The following GBE1 variants were observed in gnomAD, a reference collection of about 807,000 sequenced individuals.
The protein encoded by GBE1 is 1,4-alpha-glucan-branching enzyme.
GBE1 carries 70 observed loss-of-function variants against 88.8 expected under a neutral mutation model. That is an observed-to-expected ratio of 0.79 (90% CI 0.65 to 0.96). The LOEUF is 0.96. Among genes scored for constraint, GBE1 ranks in the 40% least tolerant of loss-of-function variants. GBE1 has a pLI of 0.00. For missense variants in GBE1, 872 were observed against 871.0 expected, an observed-to-expected ratio of 1.00 and a Z score of -0.01; for synonymous variants, 284 against 300.1, an observed-to-expected ratio of 0.95 and a Z score of 0.56.
chr3:81,607,284 C>T (rs555978563), intron 7 of GBE1, among the ~76,000 whole-genome samples: 2 of 152,272 alleles, frequency 1.3e-5, no homozygotes, highest in Non-Finnish European at 2.9e-5. Context: ...GGAGTGGTGG[C>T]TCACACCTGT....
chr3:81,663,777 C>T (rs970669476), intron 3 of GBE1, among the ~76,000 whole-genome samples: 10 of 152,174 alleles, frequency 6.6e-5, no homozygotes, highest in Non-Finnish European at 1.2e-4. Context: ...GGGTTGGAGC[C>T]CCACAGCCTG....
At position 81,750,589 on chromosome 3, in the gene GBE1, G is replaced by GTA. The variant is rs1225112913; in HGVS notation, c.143+10784_143+10785dup. ...TATATATATATACGTATATATATAC[G>GTA]TATATATATATGTGTATATATATAT... On this transcript the variant is annotated intron_variant, in intron 1 of 15. Transcript: ENST00000429644. Among the ~76,000 whole-genome samples the GTA allele has an allele frequency of 1.1e-3, 33 of 30,794 alleles. 3 individuals are homozygous for GTA. The East Asian group carries it at 0.012, about 12-fold the overall frequency. 20.2% of individuals were successfully genotyped at this position (30,794 alleles called of 152,430 possible).
chr3:81,718,728 CTGGGTTCAAG>C (rs1479100267), intron 1 of GBE1, among the ~76,000 whole-genome samples: 1 of 152,134 alleles, frequency 6.6e-6, no homozygotes, highest in East Asian at 1.9e-4. Flanking sequence ...CCTCCGCCTC[CTGGGTTCAAG>C]TGATTCTCCT....
chr3:81,654,166 A>G (rs1391696734), intron 3 of GBE1, among the ~76,000 whole-genome samples: 1 of 152,190 alleles, frequency 6.6e-6, no homozygotes, highest in Non-Finnish European at 1.5e-5. Context: ...ATCAAAAGAC[A>G]TTATTAGATT....
In GBE1 at chr3:81,540,317, G is replaced by A. The variant is rs574368559; in HGVS notation, c.1619-3222C>T. Among the ~76,000 whole-genome samples the A allele has an allele frequency of 4.6e-5, 7 of 151,998 alleles. No individual in the cohort carries two copies. In the South Asian group the frequency reaches 1.5e-3, roughly 32 times the overall value. On this transcript the variant is annotated intron_variant, in intron 12 of 15. Coordinates refer to ENST00000429644, the MANE Select transcript of GBE1 (RefSeq NM_000158.4). ...TACATTACTTCTGGAGTGATTAGTA[G>A]GCTGGAATCTACAGTTTATCAACTT...
At chr3:81,731,632 G>A (rs547298506) in intron 1 of GBE1, among the ~76,000 whole-genome samples, 1 of 152,208 alleles carries the variant, frequency 6.6e-6, no homozygotes, top group African/African-American at 2.4e-5. Context: ...CTGGATCACA[G>A]GGGCAGATTC....
chr3:81,561,984 C>T (rs925287941), intron 12 of GBE1, among the ~76,000 whole-genome samples: 4 of 152,050 alleles, frequency 2.6e-5, no homozygotes, highest in South Asian at 4.2e-4. Context: ...ATATTGGTTT[C>T]GTGATCTTTC....
At chr3:81,699,546 C>T (rs1203411741) in intron 2 of GBE1, among the ~76,000 whole-genome samples, 1 of 152,116 alleles carries the variant, frequency 6.6e-6, no homozygotes, top group Non-Finnish European at 1.5e-5. Context: ...AATAGGCCGT[C>T]TGCAAGCTGA....
chr3:81,546,024 T>C (rs1161513773), intron 12 of GBE1, among the ~76,000 whole-genome samples: 1 of 152,172 alleles, frequency 6.6e-6, no homozygotes, highest in Admixed American at 6.5e-5. Flanking sequence ...AATAGTTCTA[T>C]GTTATTATGC....
chr3:81,572,713 C>G (rs1035962794), intron 12 of GBE1, among the ~76,000 whole-genome samples: 1 of 152,074 alleles, frequency 6.6e-6, no homozygotes, highest in African/African-American at 2.4e-5. Context: ...GGTTTCTTCT[C>G]TTGTTTTTTA....
intron 1 of GBE1, among the ~76,000 whole-genome samples, chr3:81,707,141 G>C (rs1432460132): frequency 1.3e-5 from 2 of 151,918 alleles, no homozygotes; most frequent in Non-Finnish European, 2.9e-5. Context: ...TTTTAAGAAA[G>C]GTTTGGGAAA....
intron 3 of GBE1, chr3:81,654,684 A>G (rs1281529932): frequency 2.0e-5 from 3 of 152,204 alleles, no homozygotes; most frequent in Non-Finnish European, 4.4e-5. Context: ...GAAAAAAAAC[A>G]TATTGATCAA....
Position 81,499,158 on chromosome 3 carries a change from G to A in GBE1, c.2004C>T (p.Asp668=), listed in dbSNP as rs757815784. 7 of 1,612,004 alleles carry A rather than the reference G, an allele frequency of 4.3e-6. No homozygotes were observed. Among genetic ancestry groups the A allele is most frequent in the African/African-American group, 1.3e-5 (1 of 74,984 alleles). ...GGHQRLDHST[D]FFSEAFEHNG... ...TATGTTCAAAAGCCTCAGAAAAAAA[G>A]TCAGTGCTGTGGTCCAGTCTCTGAT... The change falls in exon 15 of 16, where the codon GAC becomes GAT. Residue 668 remains aspartate (D), a synonymous_variant. Transcript: ENST00000429644.
rs541883099 is a variant in GBE1, at chr3:81,706,912, GAATA to G, written c.144-1303_144-1300del. 7.3e-4 allele frequency among the ~76,000 whole-genome samples: 110 copies of G among 151,388 alleles called. No individual in the cohort carries two copies. The Middle Eastern group carries it at 0.017, about 24-fold the overall frequency. ...TAGCAAAAATAGCAAATTATTAAAT[GAATA>G]AATAATTGAGAATTGAAATAATTAA... On this transcript the variant is annotated intron_variant, in intron 1 of 15. Transcript: ENST00000429644.
chr3:81,507,048 C>CT (rs1296344413), intron 14 of GBE1, among the ~76,000 whole-genome samples: 1 of 151,928 alleles, frequency 6.6e-6, no homozygotes, highest in Non-Finnish European at 1.5e-5. Flanking sequence ...CAAACCTGCA[C>CT]TTGTACTCCT....
intron 7 of GBE1, among the ~76,000 whole-genome samples, chr3:81,603,189 G>A (rs1445665332): frequency 2.0e-5 from 3 of 151,904 alleles, no homozygotes; most frequent in African/African-American, 7.3e-5. Context: ...AGCCTGTCAA[G>A]CAATCCTAGG....
intron 14 of GBE1, 52 bp downstream of exon 14, chr3:81,535,143 T>C: frequency 6.9e-7 from 1 of 1,451,946 alleles, no homozygotes; most frequent in Non-Finnish European, 9.3e-7. Flanking sequence ...TCCTATAATG[T>C]AATAAAGAAG....
intron 2 of GBE1, among the ~76,000 whole-genome samples, chr3:81,696,353 C>T (rs539520875): frequency 6.6e-6 from 1 of 152,244 alleles, no homozygotes; most frequent in Non-Finnish European, 1.5e-5. Flanking sequence ...AGATAAGCTA[C>T]CTGTGGCATA....
chr3:81,661,167 T>A (rs566930969), intron 3 of GBE1, among the ~76,000 whole-genome samples: 1 of 152,252 alleles, frequency 6.6e-6, no homozygotes, highest in South Asian at 2.1e-4. Flanking sequence ...AGTGTTCAAT[T>A]TTCCAGATTT....
Sources: gnomAD v4.1 joint callset for allele counts (sites outside exome capture counted in the v4.1 genomes callset) on GRCh38, gnomAD v4.1.1 for gene constraint, MANE v1.5 for transcripts, NCBI Gene and HGNC (gene_info 2026-07-23, HGNC 2026-07-21) for gene names.